DLGAP2: variants seen among roughly 807,000 people sequenced by gnomAD.
DLGAP2 encodes DLG associated protein 2.
In DLGAP2, 26 loss-of-function variants were observed where a neutral mutation model predicts 100.3. The ratio of observed to expected loss-of-function variants is 0.26; its 90% CI spans 0.19 to 0.36. The LOEUF is 0.36. DLGAP2 is among the 10% of genes least tolerant of loss of function. The pLI is 1.00. For synonymous variants in DLGAP2, 886 were observed against 630.1 expected (o/e 1.41, Z -6.08); for missense variants, 1,858 against 1,453.2 (o/e 1.28, Z -4.53).
chr8:1,247,527 T>C (rs62489184), intron 2 of DLGAP2, among the ~76,000 whole-genome samples: 1,536 of 2,218 alleles, frequency 0.69, 678 homozygotes, highest in Middle Eastern at 1. Flanking sequence ...TAATGGCCCA[T>C]GTTGGTGGCC....
At chr8:1,635,049 A>G (rs1221385124) in intron 8 of DLGAP2, among the ~76,000 whole-genome samples, 2 of 152,200 alleles carry the variant, frequency 1.3e-5, no homozygotes. Flanking sequence ...AGAAATGAAA[A>G]GCACTAGGGG....
intron 3 of DLGAP2, among the ~76,000 whole-genome samples, chr8:1,413,152 G>C (rs924058472): frequency 6.6e-6 from 1 of 152,054 alleles, no homozygotes; most frequent in African/African-American, 2.4e-5. Context: ...TTTTCTACTG[G>C]ACAGTGGCTC....
chr8:913,077 G>GT (rs1455160593), intron 2 of DLGAP2, among the ~76,000 whole-genome samples: 5 of 152,192 alleles, frequency 3.3e-5, no homozygotes, highest in African/African-American at 1.2e-4. Context: ...ATTTACATAG[G>GT]TTGAGCAAAT....
At chr8:987,234 C>G (rs976582959) in intron 2 of DLGAP2, among the ~76,000 whole-genome samples, 1 of 152,098 alleles carries the variant, frequency 6.6e-6, no homozygotes, top group African/African-American at 2.4e-5. Flanking sequence ...CGCCTGAGAT[C>G]AGGAAGCCTG....
intron 1 of DLGAP2, among the ~76,000 whole-genome samples, chr8:784,174 C>G (rs1409874912): frequency 6.6e-6 from 1 of 152,110 alleles, no homozygotes; most frequent in East Asian, 1.9e-4. Context: ...AGATGTATTT[C>G]CAATTCAGTT....
chr8:1,639,082 G>A (rs573572441), intron 8 of DLGAP2, among the ~76,000 whole-genome samples: 25 of 152,342 alleles, frequency 1.6e-4, no homozygotes, highest in African/African-American at 4.8e-4. Flanking sequence ...CACAGGTGCC[G>A]AGTAGTTCAG....
intron 3 of DLGAP2, among the ~76,000 whole-genome samples, chr8:1,418,132 G>A (rs540918434): frequency 6.6e-6 from 1 of 152,194 alleles, no homozygotes; most frequent in African/African-American, 2.4e-5. Flanking sequence ...CAGCCATACA[G>A]TGTGGCCTCA....
chr8:1,442,176 G>A (rs1165288522), intron 3 of DLGAP2, among the ~76,000 whole-genome samples: 1 of 102,888 alleles, frequency 9.7e-6, no homozygotes, highest in Non-Finnish European at 2.4e-5. Flanking sequence ...GGAGGAGATG[G>A]ATCCAGGCAT....
chr8:1,066,056 G>A (rs1803235373), intron 2 of DLGAP2, among the ~76,000 whole-genome samples: 1 of 152,184 alleles, frequency 6.6e-6, no homozygotes, highest in African/African-American at 2.4e-5. Flanking sequence ...GGCTTGTGGG[G>A]CAGGTCTGAG....
At chr8:1,599,504 G>A (rs1162671875) in intron 6 of DLGAP2, among the ~76,000 whole-genome samples, 1 of 152,166 alleles carries the variant, frequency 6.6e-6, no homozygotes, top group East Asian at 1.9e-4. Context: ...AAGTCTCTTT[G>A]TAGGTCTCTA....
chr8:1,350,062 A>G (rs981795867), intron 3 of DLGAP2, among the ~76,000 whole-genome samples: 3 of 152,244 alleles, frequency 2.0e-5, no homozygotes, highest in African/African-American at 7.2e-5. Context: ...AACCGTTTCG[A>G]TATTAAACCA....
At chr8:1,506,395 C>T (rs866336371) in intron 4 of DLGAP2, among the ~76,000 whole-genome samples, 8 of 152,118 alleles carry the variant, frequency 5.3e-5, no homozygotes, top group South Asian at 4.1e-4. Flanking sequence ...GGTGAGTGTC[C>T]GGAGTTTGTT....
chr8:1,489,435 G>A (rs748202997), intron 3 of DLGAP2, among the ~76,000 whole-genome samples: 12 of 152,130 alleles, frequency 7.9e-5, no homozygotes, highest in Admixed American at 1.3e-4. Flanking sequence ...AGTCACTCGG[G>A]GCTGACCCAC....
chr8:1,221,340 T>C (rs1452079979), intron 2 of DLGAP2, among the ~76,000 whole-genome samples: 1 of 152,218 alleles, frequency 6.6e-6, no homozygotes, highest in Non-Finnish European at 1.5e-5. Context: ...GGATTTATTT[T>C]TCTCCTTTAC....
At chr8:1,464,797 A>G (rs574392170) in intron 3 of DLGAP2, among the ~76,000 whole-genome samples, 1 of 152,364 alleles carries the variant, frequency 6.6e-6, no homozygotes, top group East Asian at 1.9e-4. Flanking sequence ...CGGGACGTAG[A>G]GAGGCCATCA....
chr8:1,311,753 T>TTTATC (rs1800619451), intron 3 of DLGAP2, among the ~76,000 whole-genome samples: 1 of 151,294 alleles, frequency 6.6e-6, no homozygotes. Flanking sequence ...AATTTCTCAG[T>TTTATC]ATGATAAAGG....
intron 2 of DLGAP2, among the ~76,000 whole-genome samples, chr8:1,120,339 A>G (rs1796008951): frequency 6.6e-6 from 1 of 152,206 alleles, no homozygotes; most frequent in Non-Finnish European, 1.5e-5. Flanking sequence ...CGTCCGAATG[A>G]GAACAATACG....
chr8:1,327,362 G>A (rs966817372), intron 3 of DLGAP2, among the ~76,000 whole-genome samples: 4 of 152,194 alleles, frequency 2.6e-5, no homozygotes, highest in African/African-American at 9.7e-5. Flanking sequence ...AAGGTCATTA[G>A]TCTCTGTAGA....
chr8:1,169,122 C>G (rs933341033), intron 2 of DLGAP2, among the ~76,000 whole-genome samples: 2 of 150,372 alleles, frequency 1.3e-5, no homozygotes, highest in Non-Finnish European at 3.0e-5. Flanking sequence ...TTCCCAGCAC[C>G]ATTTATTAAA....
Sources: allele counts gnomAD v4.1 joint callset (sites outside exome capture counted in the v4.1 genomes callset), GRCh38; gene constraint gnomAD v4.1.1; transcripts MANE v1.5; gene names NCBI Gene and HGNC (gene_info 2026-07-23, HGNC 2026-07-21).